TEX11: variants seen among roughly 807,000 people sequenced by gnomAD.
TEX11 encodes testis expressed 11.
TEX11 carries 7 observed loss-of-function variants against 84.4 expected under a neutral mutation model. That is an observed-to-expected ratio of 0.08 (90% confidence interval 0.05 to 0.16). The LOEUF (loss-of-function observed/expected upper bound fraction) is 0.16. Ranked by LOEUF, TEX11 falls within the 10% of genes least tolerant of loss-of-function variation. TEX11 has a pLI of 1.00. For missense variants in TEX11, 551 were observed against 660.5 expected (o/e 0.83, Z 1.82); for synonymous variants, 264 against 222.8 (o/e 1.18, Z -1.64).
At chrX:70,603,881 A>C (rs2089163406) in intron 24 of TEX11, among the ~76,000 whole-genome samples, 1 of 39,528 alleles carries the variant, frequency 2.5e-5, no homozygotes. Context: ...CCCCATCAAA[A>C]AGTGGGCGAA....
chrX:70,680,726 G>A (rs1263297359), intron 14 of TEX11, among the ~76,000 whole-genome samples: 1 of 111,593 alleles, frequency 9.0e-6, no homozygotes, highest in Non-Finnish European at 1.9e-5. Context: ...TACCATAATT[G>A]ATAATATAAT....
At chrX:70,520,067 C>T in the TEX11 span, among the ~76,000 whole-genome samples, 10 of 111,784 alleles carry the variant, frequency 8.9e-5, no homozygotes, top group African/African-American at 3.3e-4. Flanking sequence ...CGAACATCCT[C>T]CTTTAGCTTG....
chrX:70,558,479 CAGAG>C (rs1327348473), intron 25 of TEX11, among the ~76,000 whole-genome samples: 1 of 111,644 alleles, frequency 9.0e-6, no homozygotes, highest in Non-Finnish European at 1.9e-5. Context: ...TGGAAGAAAA[CAGAG>C]GGGTAAACCT....
At chrX:70,839,501 A>G (rs1445602329) in intron 7 of TEX11, among the ~76,000 whole-genome samples, 2 of 111,755 alleles carry the variant, frequency 1.8e-5, no homozygotes, top group Non-Finnish European at 3.8e-5. Flanking sequence ...GGTCACCATC[A>G]TCAAAGAACA....
intron 9 of TEX11, among the ~76,000 whole-genome samples, chrX:70,750,933 A>AAATAAATATAT (rs1390175136): frequency 3.5e-5 from 1 of 28,187 alleles, no homozygotes; most frequent in African/African-American, 1.2e-4. Flanking sequence ...AAAAAAAAAA[A>AAATAAATATAT]ATATATATAT....
intron 13 of TEX11, among the ~76,000 whole-genome samples, chrX:70,684,602 A>T (rs1403044782): frequency 8.9e-6 from 1 of 112,039 alleles, no homozygotes; most frequent in Non-Finnish European, 1.9e-5. Flanking sequence ...AAAAGTAACC[A>T]AGTAGGTGAA....
chrX:70,758,692 C>T (rs1020346717), intron 9 of TEX11, among the ~76,000 whole-genome samples: 1 of 111,929 alleles, frequency 8.9e-6, no homozygotes, highest in African/African-American at 3.2e-5. Context: ...GACACCCTAA[C>T]ATCACAATTG....
chrX:70,627,422 A>C (rs1399226701), intron 18 of TEX11, among the ~76,000 whole-genome samples: 2 of 112,026 alleles, frequency 1.8e-5, no homozygotes, highest in Non-Finnish European at 3.8e-5. Context: ...GTAAGTTTAG[A>C]GACTGGCTTT....
chrX:70,529,906 C>T lies in TEX11; in HGVS notation c.2614G>A (p.Glu872Lys), dbSNP rs374367768. ...CGCAAGGCCAGGCCACACCACTTTTCAGCAGATGCATACTTGCTCCTGCTA... is the reference window on the plus strand; with the variant it reads ...CGCAAGGCCAGGCCACACCACTTTTTAGCAGATGCATACTTGCTCCTGCTA... ...MFSRSKYASA[E>K]KWCGLALRFL... The change falls in exon 29 of 30, where the codon GAA (glutamate) becomes AAA (lysine). Residue 872 changes from glutamate to lysine, a missense_variant. Physicochemically the swap from Glu to Lys is moderately conservative, Grantham distance 56. Transcript: ENST00000374333. The T allele has an allele frequency of 7.4e-5, 89 of 1,209,578 alleles. No homozygotes were observed. The highest frequency in any genetic ancestry group is 9.7e-5 in the Non-Finnish European group (87 of 894,997).
intron 8 of TEX11, among the ~76,000 whole-genome samples, chrX:70,823,054 C>A (rs771193244): frequency 5.4e-5 from 6 of 110,484 alleles, no homozygotes; most frequent in African/African-American, 1.6e-4. Flanking sequence ...AACATTGAAC[C>A]CATACCACAG....
chrX:70,525,914 C>T (rs1306337121), downstream of TEX11, among the ~76,000 whole-genome samples: 2 of 111,459 alleles, frequency 1.8e-5, no homozygotes. Context: ...ACATGAAGGG[C>T]CTGCTTCGAT....
At chrX:70,697,468 G>A (rs771238563) in intron 13 of TEX11, among the ~76,000 whole-genome samples, 1 of 111,735 alleles carries the variant, frequency 8.9e-6, no homozygotes, top group Non-Finnish European at 1.9e-5. Context: ...CATGCTAAAT[G>A]GTGTTTTAGC....
intron 17 of TEX11, among the ~76,000 whole-genome samples, chrX:70,637,378 C>A (rs912766640): frequency 8.9e-6 from 1 of 112,448 alleles, no homozygotes; most frequent in African/African-American, 3.2e-5. Context: ...GACCTACAGG[C>A]AGAAATACTA....
At chrX:70,852,813 T>G (rs1009051433) in intron 7 of TEX11, among the ~76,000 whole-genome samples, 4 of 111,467 alleles carry the variant, frequency 3.6e-5, no homozygotes, top group Non-Finnish European at 5.7e-5. Flanking sequence ...GTGAAAATGA[T>G]GTTTAGCTGT....
chrX:70,780,762 C>T (rs1176383707), intron 9 of TEX11, among the ~76,000 whole-genome samples: 3 of 112,748 alleles, frequency 2.7e-5, no homozygotes, highest in African/African-American at 9.7e-5. Flanking sequence ...GGAGGGGCAT[C>T]TGCCATTGCT....
At chrX:70,730,148 C>T (rs1204889651) in intron 11 of TEX11, among the ~76,000 whole-genome samples, 1 of 111,666 alleles carries the variant, frequency 9.0e-6, no homozygotes, top group Non-Finnish European at 1.9e-5. Context: ...TAAAAGAGCT[C>T]CTGAAAGAAG....
chrX:70,804,098 A>G (rs1036967673), intron 9 of TEX11, among the ~76,000 whole-genome samples: 13 of 112,115 alleles, frequency 1.2e-4, no homozygotes, highest in Non-Finnish European at 2.1e-4. Context: ...CGACTGTGAT[A>G]CATTTTAGAA....
the TEX11 span, among the ~76,000 whole-genome samples, chrX:70,522,270 AAGAG>A: frequency 9.8e-5 from 11 of 111,941 alleles, no homozygotes; most frequent in South Asian, 1.1e-3. Flanking sequence ...GGAGAAAGGG[AAGAG>A]AGAGAGTGAA....
intron 25 of TEX11, among the ~76,000 whole-genome samples, chrX:70,568,596 G>T (rs948122918): frequency 4.5e-5 from 5 of 110,400 alleles, no homozygotes. Context: ...TTTAGGGCAG[G>T]CCTGGTGGTG....
Sources: gnomAD v4.1 joint callset for allele counts (sites outside exome capture counted in the v4.1 genomes callset) on GRCh38, gnomAD v4.1.1 for gene constraint, MANE v1.5 for transcripts, NCBI Gene and HGNC (gene_info 2026-07-23, HGNC 2026-07-21) for gene names.